Variants in PRCP observed in about 807,000 individuals in gnomAD.
PRCP encodes prolylcarboxypeptidase, also known as lysosomal Pro-X carboxypeptidase.
PRCP carries 46 observed loss-of-function variants against 54.2 expected under a neutral mutation model. That is an observed-to-expected ratio of 0.85 (90% CI 0.67 to 1.09). PRCP has a LOEUF of 1.09. Among genes scored for constraint, PRCP ranks in the 50% least tolerant of loss-of-function variants. PRCP has a pLI of 0.00. For missense variants in PRCP, 613 were observed against 596.8 expected (o/e 1.03, Z -0.28); for synonymous variants, 240 against 212.2 (o/e 1.13, Z -1.14).
chr11:82,827,909 C>T (rs1858280176), intron 8 of PRCP: 1 of 152,168 alleles, frequency 6.6e-6, no homozygotes, highest in African/African-American at 2.4e-5. Context: ...TATGAGATGT[C>T]TTTCCATTTA....
intron 6 of PRCP, among the ~76,000 whole-genome samples, chr11:82,841,058 A>ATATATATATATATATATAAATAATAT (rs1178732590): frequency 6.7e-6 from 1 of 149,632 alleles, no homozygotes; most frequent in African/African-American, 2.5e-5. Flanking sequence ...TATATAATAG[A>ATATATATATATATATATAAATAATAT]CTAGTCCTGA....
chr11:82,853,255 C>T lies in PRCP; in HGVS notation c.333G>A (p.Glu111=). The part of the protein sequence containing the change: ...NNTGFMWDVA[E]ELKAMLVFAE... ...CAAACACCAACATAGCTTTCAGTTC[C>T]TCAGCCACATCCCACATGAACCCCT... is the stretch of plus-strand genomic sequence containing the variant. The change falls in exon 3 of 9, where the codon GAG becomes GAA. Residue 111 remains glutamate (E), a synonymous_variant. Coordinates refer to ENST00000313010, the MANE Select transcript of PRCP (RefSeq NM_005040.4). The T allele has an allele frequency of 6.2e-7, 1 of 1,612,664 alleles. No individual in the cohort carries two copies. Among genetic ancestry groups the T allele is most frequent in the Non-Finnish European group, 8.5e-7 (1 of 1,179,060 alleles).
chr11:82,878,490 T>G (rs914325628), intron 1 of PRCP, among the ~76,000 whole-genome samples: 2 of 152,028 alleles, frequency 1.3e-5, no homozygotes, highest in Non-Finnish European at 2.9e-5. Context: ...ATCATGGGGG[T>G]CGTTCCCATG....
At chr11:82,889,680 G>C (rs1353760046) in intron 1 of PRCP, among the ~76,000 whole-genome samples, 2 of 152,160 alleles carry the variant, frequency 1.3e-5, no homozygotes, top group East Asian at 3.8e-4. Context: ...AGAGATTCCA[G>C]GCAAAGGGAA....
At chr11:82,891,281 C>T (rs377445371) in intron 1 of PRCP, among the ~76,000 whole-genome samples, 108 of 152,262 alleles carry the variant, frequency 7.1e-4, no homozygotes, top group Middle Eastern at 3.4e-3. Context: ...CTCAGCTACA[C>T]CTTCAAAAAT....
At chr11:82,860,869 C>T (rs1055082518) in intron 1 of PRCP, among the ~76,000 whole-genome samples, 9 of 152,064 alleles carry the variant, frequency 5.9e-5, no homozygotes, top group Non-Finnish European at 1.3e-4. Context: ...AAGGAAGCTG[C>T]AAGATAAGCT....
intron 1 of PRCP, among the ~76,000 whole-genome samples, chr11:82,888,491 T>C (rs182565903): frequency 5.3e-5 from 8 of 152,284 alleles, no homozygotes; most frequent in Admixed American, 5.2e-4. Context: ...TAAATACAGG[T>C]GGTACACAAT....
intron 1 of PRCP, among the ~76,000 whole-genome samples, chr11:82,872,149 T>G (rs111419914): frequency 0.013 from 2,025 of 152,336 alleles, 40 homozygotes; most frequent in African/African-American, 0.046. Flanking sequence ...CAGGTATGTA[T>G]GTATAGGAAA....
intron 1 of PRCP, chr11:82,884,988 G>C: frequency 2.0e-6 from 3 of 1,468,788 alleles, no homozygotes; most frequent in Non-Finnish European, 2.7e-6. Flanking sequence ...GCTCAATATT[G>C]TCATGTGAAA....
At chr11:82,830,494 G>A (rs1158625818) in intron 8 of PRCP, 1 of 151,662 alleles carries the variant, frequency 6.6e-6, no homozygotes, top group Non-Finnish European at 1.5e-5. Context: ...CGGGCGTGGT[G>A]GGGCATGCAT....
At chr11:82,887,534 T>C (rs1027209720) in intron 1 of PRCP, among the ~76,000 whole-genome samples, 3 of 152,208 alleles carry the variant, frequency 2.0e-5, no homozygotes, top group Admixed American at 1.3e-4. Flanking sequence ...TCAACTATCA[T>C]AGAGTGATAC....
chr11:82,865,365 C>G (rs193101813), intron 1 of PRCP, among the ~76,000 whole-genome samples: 1 of 151,962 alleles, frequency 6.6e-6, no homozygotes, highest in Non-Finnish European at 1.5e-5. Context: ...GACAAATCTC[C>G]CAGCCATTTA....
rs1205175842 is a variant in PRCP at position 82,900,362 on chromosome 11, A to C, written c.41T>G (p.Leu14Arg). 6.2e-7 allele frequency: 1 copy of C among 1,614,036 alleles called. No individual in the cohort carries two copies. Among genetic ancestry groups the C allele is most frequent in the Admixed American group, 1.7e-5 (1 of 60,010 alleles). ...RALLLLLLSF[L>R]APWATIALRP... Reference sequence around the variant, plus strand: ...GAGGGCTATGGTGGCCCAGGGCGCCAGAAAAGACAGAAGCAGGAGCAGGAG... The same window carrying C: ...GAGGGCTATGGTGGCCCAGGGCGCCCGAAAAGACAGAAGCAGGAGCAGGAG... The change falls in exon 1 of 9, where the codon CTG (leucine) becomes CGG (arginine). Residue 14 changes from leucine (L) to arginine (R), a missense_variant. Coordinates refer to ENST00000313010, the MANE Select transcript of PRCP (RefSeq NM_005040.4).
chr11:82,895,166 C>A (rs991143789), intron 1 of PRCP, among the ~76,000 whole-genome samples: 3 of 152,124 alleles, frequency 2.0e-5, no homozygotes, highest in Admixed American at 2.0e-4. Context: ...TTTACACATA[C>A]CACCTCTTTT....
intron 2 of PRCP, among the ~76,000 whole-genome samples, chr11:82,854,627 C>A (rs1859037036): frequency 6.6e-6 from 1 of 151,024 alleles, no homozygotes; most frequent in African/African-American, 2.5e-5. Flanking sequence ...TTACCAACAT[C>A]ATTTTTCACA....
chr11:82,881,198 C>A (rs991965355), intron 1 of PRCP, among the ~76,000 whole-genome samples: 3 of 152,200 alleles, frequency 2.0e-5, no homozygotes, highest in African/African-American at 7.2e-5. Context: ...AACAAAATTT[C>A]ATGCTATTCA....
At chr11:82,844,730 C>T (rs1858760214) in intron 6 of PRCP, among the ~76,000 whole-genome samples, 1 of 35,358 alleles carries the variant, frequency 2.8e-5, no homozygotes, top group African/African-American at 1.3e-4. Context: ...GAGGCTCCGT[C>T]TCAAAAAAAA....
chr11:82,858,138 G>A (rs1859132866), intron 2 of PRCP: 1 of 152,162 alleles, frequency 6.6e-6, no homozygotes, highest in East Asian at 1.9e-4. Context: ...TTTCAAAAGA[G>A]GTCAATGTAA....
chr11:82,836,871 T>A (rs1858541043), intron 8 of PRCP: 1 of 397,076 alleles, frequency 2.5e-6, no homozygotes, highest in Non-Finnish European at 5.1e-6. Context: ...GTTGGCTGAA[T>A]TGGGTACAAG....
Sources: allele counts gnomAD v4.1 joint callset (sites outside exome capture counted in the v4.1 genomes callset), GRCh38; gene constraint gnomAD v4.1.1; transcripts MANE v1.5; gene names NCBI Gene and HGNC (gene_info 2026-07-23, HGNC 2026-07-21).